Variants in EGFL6 observed in about 807,000 individuals in gnomAD.
The protein encoded by EGFL6 is EGF like domain multiple 6.
In EGFL6, 42 loss-of-function variants were observed where a neutral mutation model predicts 43.1. That is an observed-to-expected ratio of 0.98 (90% CI 0.76 to 1.26). EGFL6 has a LOEUF of 1.26. Among genes scored for constraint, EGFL6 ranks in the 50% most tolerant of loss-of-function variants. The probability of loss-of-function intolerance (pLI) is 0.00; values close to 1 mark genes in which losing one functional copy is unlikely to be tolerated. For missense variants in EGFL6, 429 were observed against 427.8 expected, an observed-to-expected ratio of 1.00 and a Z score of -0.02; for synonymous variants, 164 against 163.2, an observed-to-expected ratio of 1.01 and a Z score of -0.04.
chrX:13,595,922 G>C (rs892126318), intron 3 of EGFL6, among the ~76,000 whole-genome samples: 1 of 110,234 alleles, frequency 9.1e-6, no homozygotes, highest in African/African-American at 3.3e-5. Context: ...GTCCCACTAC[G>C]TTGCCCAGGC....
At chrX:13,594,979 G>T in intron 3 of EGFL6, 51 bp downstream of exon 3, 1 of 981,228 alleles carries the variant, frequency 1.0e-6, no homozygotes, top group Non-Finnish European at 1.4e-6. Flanking sequence ...TTGCAGCAGG[G>T]CTGGCGACTC....
At chrX:13,580,377 T>C (rs141518815) in intron 1 of EGFL6, among the ~76,000 whole-genome samples, 4 of 112,016 alleles carry the variant, frequency 3.6e-5, no homozygotes, top group Non-Finnish European at 7.5e-5. Context: ...TTCATTGAGA[T>C]GTCTCACTGA....
Position 13,603,407 on chromosome X carries a change from G to T in EGFL6, c.491G>T (p.Arg164Leu). 8.3e-7 allele frequency: 1 copy of T among 1,210,023 alleles called. No homozygotes were observed. Among genetic ancestry groups the T allele is most frequent in the Non-Finnish European group, 1.1e-6 (1 of 894,745 alleles). ...PQCLCPSSGLRLAPNGRDCLD... is the reference protein window; with the variant it reads ...PQCLCPSSGLLLAPNGRDCLD... ...TGCCTGTGTCCATCCTCAGGACTCC[G>T]CCTGGCCCCAAATGGAAGAGACTGT... The change falls in exon 5 of 12, where the codon CGC becomes CTC. Residue 164 changes from arginine to leucine, a missense_variant. Physicochemically the swap from Arg to Leu is moderately radical, Grantham distance 102. Transcript: ENST00000361306.
At position 13,597,994 on chromosome X, in the gene EGFL6, T is replaced by C. The variant is rs113232793; in HGVS notation, c.281-1981T>C. Among the ~76,000 whole-genome samples, 385 of 112,150 alleles carry C rather than the reference T, an allele frequency of 3.4e-3. 1 individual carries two copies. The highest frequency in any genetic ancestry group is 0.012 in the African/African-American group (355 of 30,860). On this transcript the variant is annotated intron_variant, in intron 3 of 11. Coordinates refer to ENST00000361306, the MANE Select transcript of EGFL6 (RefSeq NM_015507.4). ...GGAGTGGTCCAGTTGGATCAAGTTT[T>C]GAGGCAGTCTGTTTTCTTCCCACAG...
At chrX:13,576,974 A>G (rs1196343959) in intron 1 of EGFL6, among the ~76,000 whole-genome samples, 1 of 111,134 alleles carries the variant, frequency 9.0e-6, no homozygotes, top group African/African-American at 3.3e-5. Context: ...TTTCAATGTG[A>G]AGGTCTTGTT....
chrX:13,598,224 G>A (rs893457707), intron 3 of EGFL6, among the ~76,000 whole-genome samples: 3 of 112,324 alleles, frequency 2.7e-5, no homozygotes, highest in African/African-American at 9.7e-5. Flanking sequence ...GAAGAGGTTA[G>A]GTTCTATGAG....
chrX:13,570,340 C>T (rs750462023), intron 1 of EGFL6, among the ~76,000 whole-genome samples: 1 of 111,152 alleles, frequency 9.0e-6, no homozygotes, highest in Admixed American at 9.5e-5. Flanking sequence ...GTTTTCCACT[C>T]TATTCACAGG....
chrX:13,631,469 T>A (rs1240544976), intron 11 of EGFL6, among the ~76,000 whole-genome samples: 5 of 111,671 alleles, frequency 4.5e-5, no homozygotes, highest in South Asian at 3.7e-4. Flanking sequence ...TTTTTTTTTT[T>A]AAATTACAAT....
intron 7 of EGFL6, among the ~76,000 whole-genome samples, chrX:13,616,558 C>T (rs915289657): frequency 1.6e-4 from 17 of 108,196 alleles, no homozygotes; most frequent in East Asian, 5.8e-4. Context: ...TGCAGTGAGC[C>T]GAGATCATGC....
intron 3 of EGFL6, among the ~76,000 whole-genome samples, chrX:13,599,177 G>A (rs1234247283): frequency 9.1e-6 from 1 of 109,937 alleles, no homozygotes; most frequent in African/African-American, 3.3e-5. Flanking sequence ...TAGCATGAAA[G>A]GCAGAAATAT....
intron 1 of EGFL6, chrX:13,574,956 G>T: frequency 8.4e-6 from 1 of 118,901 alleles, no homozygotes; most frequent in South Asian, 2.9e-4. Context: ...CAATAATAAT[G>T]AATTGTGCAC....
chrX:13,572,708 T>C (rs1206073409), intron 1 of EGFL6, among the ~76,000 whole-genome samples: 1 of 112,352 alleles, frequency 8.9e-6, no homozygotes, highest in Non-Finnish European at 1.9e-5. Context: ...GAGGAGGGAA[T>C]GACTAGGTTC....
intron 11 of EGFL6, among the ~76,000 whole-genome samples, chrX:13,632,123 C>G (rs1471191432): frequency 9.1e-6 from 1 of 109,669 alleles, no homozygotes; most frequent in Admixed American, 9.7e-5. Context: ...CAGATAATCT[C>G]CAAATACATT....
intron 9 of EGFL6, 43 bp from the exon 10 acceptor site, chrX:13,623,781 A>G: frequency 9.2e-7 from 1 of 1,084,271 alleles, no homozygotes; most frequent in Non-Finnish European, 1.3e-6. Context: ...ACACCTTCCT[A>G]ATGCTTTTAG....
At chrX:13,572,123 G>A (rs2045446495) in intron 1 of EGFL6, among the ~76,000 whole-genome samples, 1 of 111,884 alleles carries the variant, frequency 8.9e-6, no homozygotes, top group Non-Finnish European at 1.9e-5. Context: ...TTAAGCTTCA[G>A]AATTTGGCTT....
chrX:13,600,266 C>CTTCT (rs202232140), intron 4 of EGFL6, among the ~76,000 whole-genome samples, 172 bp downstream of exon 4: 6,295 of 73,035 alleles, frequency 0.086, 679 homozygotes, highest in East Asian at 0.16. Flanking sequence ...CCTTTCTTTC[C>CTTCT]TTCTTTCTTT....
intron 2 of EGFL6, among the ~76,000 whole-genome samples, chrX:13,593,141 C>T (rs1027917557): frequency 1.6e-4 from 18 of 110,341 alleles, no homozygotes; most frequent in African/African-American, 5.0e-4. Context: ...TCTCAAACTC[C>T]TGACCTCAGG....
At chrX:13,608,246 A>G in intron 6 of EGFL6, 78 bp from the exon 7 acceptor site, 1 of 1,140,844 alleles carries the variant, frequency 8.8e-7, no homozygotes, top group South Asian at 2.0e-5. Flanking sequence ...GCTTGGCCCT[A>G]CAGTTGATCA....
At chrX:13,580,251 A>C (rs2045498160) in intron 1 of EGFL6, among the ~76,000 whole-genome samples, 1 of 111,130 alleles carries the variant, frequency 9.0e-6, no homozygotes, top group Admixed American at 9.6e-5. Context: ...TTTCTTATTT[A>C]CACTCTCCAG....
Sources: gnomAD v4.1 joint callset for allele counts (sites outside exome capture counted in the v4.1 genomes callset) on GRCh38, gnomAD v4.1.1 for gene constraint, MANE v1.5 for transcripts, NCBI Gene and HGNC (gene_info 2026-07-23, HGNC 2026-07-21) for gene names.